Variants in CCDC7 observed in about 807,000 individuals in gnomAD.
CCDC7 encodes the protein coiled-coil domain-containing protein 7.
CCDC7 carries 183 observed loss-of-function variants against 196.9 expected under a neutral mutation model. The observed-to-expected ratio is 0.93, with a 90% confidence interval of 0.82 to 1.05. The LOEUF is 1.05. Among genes scored for constraint, CCDC7 ranks in the 50% least tolerant of loss-of-function variants. The pLI is 0.00. For synonymous variants in CCDC7, 525 were observed against 484.6 expected (o/e 1.08, Z -1.10); for missense variants, 1,540 against 1,482.2 (o/e 1.04, Z -0.64).
intron 30 of CCDC7, among the ~76,000 whole-genome samples, chr10:32,807,257 CTT>C (rs2086030594): frequency 6.6e-6 from 1 of 152,016 alleles, no homozygotes; most frequent in Non-Finnish European, 1.5e-5. Context: ...AATTTTAACT[CTT>C]AATTGATATA....
chr10:32,703,313 T>G (rs956765349), intron 24 of CCDC7, among the ~76,000 whole-genome samples: 2 of 152,052 alleles, frequency 1.3e-5, no homozygotes, highest in Non-Finnish European at 1.5e-5. Flanking sequence ...AGTTGAAAAT[T>G]CTTTTCTTTA....
In CCDC7 at chr10:32,584,175, G is replaced by GAT. The variant is rs111340744; in HGVS notation, c.1729-44_1729-43dup. On this transcript the variant is annotated intron_variant, in intron 17 of 41. Transcript: ENST00000639629. ...AAGCAGGTAATTAAATACCAGTCTTGATATATATATATATGTATATAATTT... is the reference window on the plus strand; with the variant it reads ...AAGCAGGTAATTAAATACCAGTCTTGATATATATATATATATGTATATAATTT... The GAT allele has an allele frequency of 0.02, 15,549 of 793,098 alleles. 1,044 individuals are homozygous for GAT. The African/African-American group carries it at 0.2, about 10-fold the overall frequency. The allele number at this position is 793,098 out of a possible 1,614,324, so 49.1% of individuals were successfully genotyped here.
At chr10:32,476,080 G>A (rs958272151) in intron 8 of CCDC7, among the ~76,000 whole-genome samples, 13 of 152,132 alleles carry the variant, frequency 8.5e-5, no homozygotes, top group African/African-American at 3.1e-4. Flanking sequence ...AAAGTCCATA[G>A]TTTACATCTG....
intron 31 of CCDC7, among the ~76,000 whole-genome samples, chr10:32,822,659 A>G (rs1401419371): frequency 6.6e-6 from 1 of 152,144 alleles, no homozygotes; most frequent in Non-Finnish European, 1.5e-5. Flanking sequence ...ATGTTTCTGT[A>G]TCTCAGTAGA....
downstream of CCDC7, among the ~76,000 whole-genome samples, chr10:32,879,759 G>A (rs989837291): frequency 4.5e-5 from 6 of 132,450 alleles, no homozygotes; most frequent in Admixed American, 5.0e-4. Flanking sequence ...CTGTGTCCAT[G>A]CATTCTCATT....
At chr10:32,784,786 G>T (rs2081578915) in intron 29 of CCDC7, among the ~76,000 whole-genome samples, 1 of 151,356 alleles carries the variant, frequency 6.6e-6, no homozygotes, top group Non-Finnish European at 1.5e-5. Flanking sequence ...TAGATCTCCC[G>T]AGGTCAGGAG....
intron 28 of CCDC7, among the ~76,000 whole-genome samples, chr10:32,776,270 T>C (rs1294130910): frequency 6.7e-6 from 1 of 149,648 alleles, no homozygotes; most frequent in Non-Finnish European, 1.5e-5. Flanking sequence ...ACCCTAAAAC[T>C]TGAAGTATAA....
At chr10:32,840,584 A>G (rs2092911161) in intron 33 of CCDC7, among the ~76,000 whole-genome samples, 2 of 152,012 alleles carry the variant, frequency 1.3e-5, no homozygotes, top group Admixed American at 6.6e-5. Flanking sequence ...TCAAAGAAGA[A>G]TTGGTACCAA....
intron 18 of CCDC7, among the ~76,000 whole-genome samples, chr10:32,619,957 C>T (rs921775254): frequency 7.9e-6 from 1 of 126,026 alleles, no homozygotes; most frequent in Non-Finnish European, 1.6e-5. Flanking sequence ...GAGTCTTGCC[C>T]TGTCACCCAG....
chr10:32,737,328 T>C (rs765269361), intron 28 of CCDC7, among the ~76,000 whole-genome samples: 30 of 152,190 alleles, frequency 2.0e-4, no homozygotes, highest in Non-Finnish European at 4.1e-4. Context: ...TTTCTTATAG[T>C]ACCTTTATCT....
At chr10:32,752,680 T>C (rs972645829) in intron 28 of CCDC7, among the ~76,000 whole-genome samples, 1 of 152,144 alleles carries the variant, frequency 6.6e-6, no homozygotes, top group African/African-American at 2.4e-5. Context: ...CTTCTCAATG[T>C]TATTAGTGGG....
intron 29 of CCDC7, among the ~76,000 whole-genome samples, chr10:32,800,458 A>G (rs570983308): frequency 1.3e-5 from 2 of 152,128 alleles, no homozygotes; most frequent in African/African-American, 4.8e-5. Context: ...GAGCCACTCT[A>G]TGTTGGATCT....
chr10:32,639,812 G>A lies in CCDC7; in HGVS notation c.2014+4654G>A, dbSNP rs183562808. ...GCCGGCTAATTTTTTGTTATTTTTA[G>A]TAGAGATGGGGTTTCACCATGGTCT... On this transcript the variant is annotated intron_variant, in intron 20 of 41. Transcript: ENST00000639629. 4.4e-3 allele frequency among the ~76,000 whole-genome samples: 662 copies of A among 152,118 alleles called. 2 individuals are homozygous for A. The highest frequency in any genetic ancestry group is 6.2e-3 in the Non-Finnish European group (420 of 67,992).
At chr10:32,794,923 A>C (rs1393144932) in intron 29 of CCDC7, among the ~76,000 whole-genome samples, 2 of 152,176 alleles carry the variant, frequency 1.3e-5, no homozygotes, top group Non-Finnish European at 2.9e-5. Context: ...TACTCAGGCT[A>C]GAGACGTCCC....
At chr10:32,621,809 C>T (rs775931005) in intron 18 of CCDC7, among the ~76,000 whole-genome samples, 1 of 152,122 alleles carries the variant, frequency 6.6e-6, no homozygotes, top group Non-Finnish European at 1.5e-5. Flanking sequence ...TATTTAGGCC[C>T]TAAGTGATTT....
chr10:32,468,070 T>C (rs1452864787), intron 5 of CCDC7, among the ~76,000 whole-genome samples: 1 of 152,168 alleles, frequency 6.6e-6, no homozygotes, highest in Non-Finnish European at 1.5e-5. Context: ...CTCTTTGGGC[T>C]CTTTTTTGGT....
intron 8 of CCDC7, among the ~76,000 whole-genome samples, 169 bp from the exon 10 acceptor site, chr10:32,491,753 A>G (rs572430484): frequency 3.0e-4 from 46 of 152,278 alleles, no homozygotes; most frequent in African/African-American, 1.1e-3. Context: ...GGTGTTTAAT[A>G]AAATGGTAGC....
At chr10:32,654,955 A>G (rs1252683756) in intron 20 of CCDC7, among the ~76,000 whole-genome samples, 1 of 152,200 alleles carries the variant, frequency 6.6e-6, no homozygotes, top group East Asian at 1.9e-4. Flanking sequence ...CATGTCTACT[A>G]TGTTAAGCAG....
At chr10:32,805,769 A>AGGAAC (rs1436397434) in intron 30 of CCDC7, among the ~76,000 whole-genome samples, 1 of 152,246 alleles carries the variant, frequency 6.6e-6, no homozygotes, top group Admixed American at 6.5e-5. Context: ...GTTTTATTGT[A>AGGAAC]GGAACGGCAT....
Sources: gnomAD v4.1 joint callset for allele counts (sites outside exome capture counted in the v4.1 genomes callset) on GRCh38, gnomAD v4.1.1 for gene constraint, MANE v1.5 for transcripts, NCBI Gene and HGNC (gene_info 2026-07-23, HGNC 2026-07-21) for gene names.